Variants in PDZD7 observed in about 807,000 individuals in gnomAD.
PDZD7 encodes the protein PDZ domain containing 7, also known as PDZ domain-containing protein 7.
A neutral mutation model predicts 84.7 loss-of-function variants in PDZD7; 72 were observed. The observed-to-expected ratio is 0.85, with a 90% confidence interval of 0.70 to 1.03. The LOEUF is 1.03. Ranked by LOEUF, PDZD7 falls within the 50% of genes least tolerant of loss-of-function variation. The pLI, the probability that PDZD7 is intolerant of heterozygous loss-of-function variation, is 0.00. For missense variants in PDZD7, 1,490 were observed against 1,412.9 expected, an observed-to-expected ratio of 1.05 and a Z score of -0.87; for synonymous variants, 594 against 580.7, an observed-to-expected ratio of 1.02 and a Z score of -0.33.
intron 7 of PDZD7, 92 bp from the exon 8 acceptor site, chr10:101,019,309 C>A (rs1852918284): frequency 2.7e-6 from 4 of 1,474,784 alleles, no homozygotes; most frequent in Non-Finnish European, 3.6e-6. Context: ...GTGGAGGAGG[C>A]AAGGTCAGGC....
rs1188527138 is a variant in PDZD7 at position 101,011,944 on chromosome 10, C to T, written c.1914G>A (p.Glu638=). The T allele has an allele frequency of 6.5e-6, 10 of 1,550,262 alleles. No homozygotes were observed. The Admixed American group carries it at 1.2e-4, about 18-fold the overall frequency. Residue 638 remains glutamate, a synonymous_variant, in exon 13 of 17, where the codon GAG becomes GAA. Coordinates refer to ENST00000619208, the MANE Select transcript of PDZD7 (RefSeq NM_001195263.2). ...MVMLVELEAF[E]ALKSRAVRPP... ...GCTGACCTGCCCTGCTCTTGAGGGC[C>T]TCAAAAGCCTCCAGCTCCACAAGCA...
chr10:101,009,917 C>G (rs573792559), intron 15 of PDZD7, among the ~76,000 whole-genome samples: 31 of 151,316 alleles, frequency 2.0e-4, no homozygotes, highest in African/African-American at 7.5e-4. Flanking sequence ...GAGACAGAGT[C>G]TTACTCTGTC....
intron 2 of PDZD7, among the ~76,000 whole-genome samples, chr10:101,025,838 C>A (rs1424626020): frequency 6.6e-6 from 1 of 152,156 alleles, no homozygotes; most frequent in Non-Finnish European, 1.5e-5. Context: ...TGAGCCACCA[C>A]ACCCGGCCAA....
At chr10:101,012,893 G>C (rs960198959) in intron 11 of PDZD7, among the ~76,000 whole-genome samples, 4 of 152,232 alleles carry the variant, frequency 2.6e-5, no homozygotes, top group African/African-American at 9.6e-5. Flanking sequence ...AGGGGGGCGG[G>C]GTGGAGCCCC....
intron 2 of PDZD7, 80 bp from the exon 3 acceptor site, chr10:101,024,148 G>T: frequency 6.2e-7 from 1 of 1,602,462 alleles, no homozygotes; most frequent in Non-Finnish European, 8.5e-7. Context: ...CTTGGGGCCT[G>T]CAAAGGCTAG....
At chr10:101,015,932 C>T (rs1852605047) in intron 10 of PDZD7, 121 bp from the exon 11 acceptor site, 1 of 1,123,584 alleles carries the variant, frequency 8.9e-7, no homozygotes, top group Non-Finnish European at 1.2e-6. Flanking sequence ...CCTATATGCT[C>T]CCCACCATGG....
chr10:101,019,574 C>A (rs201300705), intron 7 of PDZD7, among the ~76,000 whole-genome samples: 4 of 110,706 alleles, frequency 3.6e-5, no homozygotes, highest in African/African-American at 1.1e-4. Context: ...CCTCCTCCTC[C>A]TCCTCCTCCT....
At position 101,021,844 on chromosome 10, in the gene PDZD7, G is replaced by T; in HGVS notation, c.821C>A (p.Ala274Asp). The T allele has an allele frequency of 6.2e-7, 1 of 1,614,120 alleles. No individual in the cohort carries two copies. The highest frequency in any genetic ancestry group is 1.3e-5 in the African/African-American group (1 of 75,016). Reference sequence around the variant, plus strand: ...CGTTTGGCCCTTCAGCACCTCCACGGCCTGGCTGTGGCTGATGTCGTCAAA... The same window carrying T: ...CGTTTGGCCCTTCAGCACCTCCACGTCCTGGCTGTGGCTGATGTCGTCAAA... ...VRFDDISHSQ[A>D]VEVLKGQTHI... The change falls in exon 6 of 17, where the codon GCC becomes GAC. Residue 274 changes from alanine to aspartate, a missense_variant. Coordinates refer to ENST00000619208, the MANE Select transcript of PDZD7 (RefSeq NM_001195263.2).
intron 2 of PDZD7, among the ~76,000 whole-genome samples, chr10:101,025,444 G>A (rs899046110): frequency 6.6e-6 from 1 of 151,996 alleles, no homozygotes; most frequent in Non-Finnish European, 1.5e-5. Flanking sequence ...TCCTGACCTC[G>A]TGATCCACCT....
At chr10:101,014,388 G>A (rs1052129883) in intron 11 of PDZD7, among the ~76,000 whole-genome samples, 5 of 152,122 alleles carry the variant, frequency 3.3e-5, no homozygotes, top group African/African-American at 1.2e-4. Flanking sequence ...GCACAAGTGG[G>A]AGGTTTGGGC....
chr10:101,025,599 C>A (rs940461263), intron 2 of PDZD7, among the ~76,000 whole-genome samples: 3 of 149,462 alleles, frequency 2.0e-5, no homozygotes, highest in Non-Finnish European at 4.4e-5. Context: ...CCAGGCTGGA[C>A]TGCAGTGGTG....
intron 6 of PDZD7, 114 bp downstream of exon 6, chr10:101,021,684 A>G: frequency 6.7e-7 from 1 of 1,488,292 alleles, no homozygotes. Context: ...ATGCCTGTCT[A>G]CCTTCTAGTG....
At chr10:101,016,106 A>T (rs184235259) in intron 10 of PDZD7, among the ~76,000 whole-genome samples, 85 of 152,290 alleles carry the variant, frequency 5.6e-4, no homozygotes, top group Admixed American at 5.2e-3. Flanking sequence ...GAGGCCCAGC[A>T]CAGGCTCCCT....
chr10:101,023,759 A>T, intron 3 of PDZD7, 149 bp from the exon 4 acceptor site: 1 of 1,423,866 alleles, frequency 7.0e-7, no homozygotes, highest in Non-Finnish European at 9.7e-7. Flanking sequence ...GTGCCTAGGG[A>T]TCTGTCCCTT....
chr10:101,011,011 CCCACCGGGGA>C (rs1200273559), intron 14 of PDZD7, 128 bp from the exon 15 acceptor site: 17 of 1,487,406 alleles, frequency 1.1e-5, no homozygotes, highest in Non-Finnish European at 1.4e-5. Flanking sequence ...GTGCGGCCCA[CCCACCGGGGA>C]GGCAGACAGA....
At chr10:101,022,411 G>T (rs1169344450) in intron 4 of PDZD7, 26 bp from the exon 5 acceptor site, 2 of 1,613,248 alleles carry the variant, frequency 1.2e-6, no homozygotes, top group Middle Eastern at 1.8e-4. Flanking sequence ...GGGCCCTCAG[G>T]TGGGGTCCTC....
chr10:101,022,247 A>G lies in PDZD7; in HGVS notation c.681T>C (p.Arg227=). The part of the protein sequence containing the change: ...SDDFCLGFNI[R]GGKEFGLGIY... ...TGCCCAGGCCAAACTCCTTGCCCCC[A>G]CGGATGTTGAAGCCCAGGCAGAAGT... The change falls in exon 5 of 17, where the codon CGT becomes CGC. Residue 227 remains arginine (R), a synonymous_variant. Transcript: ENST00000619208. 6.2e-7 allele frequency: 1 copy of G among 1,614,112 alleles called. No homozygotes were observed. Among genetic ancestry groups the G allele is most frequent in the Non-Finnish European group, 8.5e-7 (1 of 1,180,030 alleles).
chr10:101,011,848 A>G, intron 13 of PDZD7, 77 bp downstream of exon 13: 1 of 1,549,800 alleles, frequency 6.5e-7, no homozygotes, highest in Non-Finnish European at 8.7e-7. Context: ...CAATCTCTGC[A>G]GCCCTCTCCA....
intron 11 of PDZD7, among the ~76,000 whole-genome samples, chr10:101,012,597 C>G (rs1852436546): frequency 6.6e-6 from 1 of 152,190 alleles, no homozygotes; most frequent in Admixed American, 6.5e-5. Flanking sequence ...GAAACAGGCT[C>G]AGAGAGAAGG....
Sources: gnomAD v4.1 joint callset for allele counts (sites outside exome capture counted in the v4.1 genomes callset) on GRCh38, gnomAD v4.1.1 for gene constraint, MANE v1.5 for transcripts, NCBI Gene and HGNC (gene_info 2026-07-23, HGNC 2026-07-21) for gene names.